The following MACROD2 variants were observed in gnomAD, a reference collection of about 807,000 sequenced individuals.
MACROD2 encodes the protein ADP-ribose glycohydrolase MACROD2.
MACROD2 carries 36 observed loss-of-function variants against 70.4 expected under a neutral mutation model. The ratio of observed to expected loss-of-function variants is 0.51; its 90% CI spans 0.39 to 0.68. The LOEUF is 0.68. Ranked by LOEUF, MACROD2 falls within the 30% of genes least tolerant of loss-of-function variation. The pLI is 0.00. For missense variants in MACROD2, 496 were observed against 538.4 expected (o/e 0.92, Z 0.78); for synonymous variants, 172 against 178.8 (o/e 0.96, Z 0.30).
intron 10 of MACROD2, among the ~76,000 whole-genome samples, chr20:15,886,489 G>A (rs2064824107): frequency 1.3e-5 from 2 of 152,168 alleles, no homozygotes; most frequent in African/African-American, 2.4e-5. Flanking sequence ...AACTCAATCT[G>A]TTTTGGGGAG....
chr20:14,554,078 A>G (rs1450255460), intron 4 of MACROD2, among the ~76,000 whole-genome samples: 1 of 152,062 alleles, frequency 6.6e-6, no homozygotes, highest in African/African-American at 2.4e-5. Context: ...AATATTTGCT[A>G]GCTGCTGTTA....
intron 6 of MACROD2, among the ~76,000 whole-genome samples, chr20:15,369,695 G>A (rs148066794): frequency 0.011 from 1,639 of 152,190 alleles, 9 homozygotes; most frequent in Middle Eastern, 0.034. Flanking sequence ...ATATAAACGG[G>A]ACTTTTGCAA....
At chr20:15,513,528 A>C (rs2047527388) in intron 8 of MACROD2, among the ~76,000 whole-genome samples, 1 of 152,216 alleles carries the variant, frequency 6.6e-6, no homozygotes, top group Non-Finnish European at 1.5e-5. Context: ...TAAGTGAAAC[A>C]TGAAATATCT....
At chr20:15,047,647 C>T (rs1049299087) in intron 5 of MACROD2, among the ~76,000 whole-genome samples, 2 of 152,182 alleles carry the variant, frequency 1.3e-5, no homozygotes, top group East Asian at 3.9e-4. Context: ...CACCCTGCCC[C>T]TCCAATTCTG....
At chr20:14,705,553 A>T (rs2071258969) in intron 5 of MACROD2, among the ~76,000 whole-genome samples, 1 of 152,032 alleles carries the variant, frequency 6.6e-6, no homozygotes, top group Non-Finnish European at 1.5e-5. Context: ...TGACCTCCTG[A>T]GGGCCTGAAA....
At chr20:14,318,100 C>A (rs1362879822) in intron 3 of MACROD2, among the ~76,000 whole-genome samples, 1 of 152,074 alleles carries the variant, frequency 6.6e-6, no homozygotes, top group African/African-American at 2.4e-5. Context: ...TGCGAGTTTC[C>A]AGCAGTGATT....
intron 4 of MACROD2, among the ~76,000 whole-genome samples, chr20:14,661,338 T>C (rs1302455361): frequency 6.6e-6 from 1 of 152,156 alleles, no homozygotes; most frequent in Non-Finnish European, 1.5e-5. Flanking sequence ...TGTTTGCCAC[T>C]TATATGTCTC....
chr20:15,344,988 C>T (rs556181233), intron 6 of MACROD2, among the ~76,000 whole-genome samples: 31 of 152,230 alleles, frequency 2.0e-4, no homozygotes, highest in African/African-American at 7.2e-4. Flanking sequence ...AGGGTGCTGG[C>T]GTGGTTGAAC....
chr20:15,078,979 G>C (rs1187210347), intron 5 of MACROD2, among the ~76,000 whole-genome samples: 2 of 151,992 alleles, frequency 1.3e-5, no homozygotes, highest in African/African-American at 4.8e-5. Context: ...AGGCCTGGCT[G>C]TCTCCAAAGG....
At chr20:15,876,938 G>T (rs2064683688) in intron 9 of MACROD2, among the ~76,000 whole-genome samples, 1 of 151,974 alleles carries the variant, frequency 6.6e-6, no homozygotes, top group Non-Finnish European at 1.5e-5. Context: ...TCCCTCACTT[G>T]CTGGTCACTC....
intron 3 of MACROD2, among the ~76,000 whole-genome samples, chr20:14,143,559 GA>G (rs1226912651): frequency 7.4e-5 from 11 of 147,946 alleles, no homozygotes; most frequent in Non-Finnish European, 7.5e-5. Context: ...TTGCTTGGAG[GA>G]AAAAAAAAAC....
At chr20:15,486,801 A>G (rs989055061) in intron 7 of MACROD2, among the ~76,000 whole-genome samples, 1 of 152,232 alleles carries the variant, frequency 6.6e-6, no homozygotes, top group Non-Finnish European at 1.5e-5. Context: ...TTTCTGAAAC[A>G]TTGTGTGTTC....
chr20:16,027,243 C>T (rs1000868864), intron 15 of MACROD2, among the ~76,000 whole-genome samples: 6 of 140,138 alleles, frequency 4.3e-5, no homozygotes, highest in African/African-American at 1.3e-4. Flanking sequence ...AGCCCTCAGA[C>T]AGCCTTCCTC....
At chr20:15,620,900 A>G (rs569081343) in intron 8 of MACROD2, among the ~76,000 whole-genome samples, 60 of 152,302 alleles carry the variant, frequency 3.9e-4, no homozygotes, top group African/African-American at 1.4e-3. Context: ...AAAATGTGTT[A>G]TCAAGCAGTA....
chr20:15,800,171 T>C (rs984717689), intron 8 of MACROD2, among the ~76,000 whole-genome samples: 2 of 152,216 alleles, frequency 1.3e-5, no homozygotes, highest in African/African-American at 4.8e-5. Flanking sequence ...TTGAGTTCTT[T>C]GTATATTCTG....
intron 15 of MACROD2, among the ~76,000 whole-genome samples, chr20:15,989,009 A>T (rs1377598219): frequency 1.3e-5 from 2 of 152,132 alleles, no homozygotes; most frequent in Non-Finnish European, 1.5e-5. Context: ...AAGTTACTTA[A>T]CCTATCTGCT....
chr20:14,575,470 A>G lies in MACROD2; in HGVS notation c.301+81962A>G, dbSNP rs570525668. 2.0e-5 allele frequency among the ~76,000 whole-genome samples: 3 copies of G among 152,328 alleles called. No homozygotes were observed. The South Asian group carries it at 6.2e-4, about 32-fold the overall frequency. The stretch of plus-strand genomic sequence containing the variant: ...AGTTAAATGATGTCTTAGTATTTAT[A>G]TGAAAATGGCTTTGACTTGTGGGCT... On this transcript the variant is annotated intron_variant, in intron 4 of 17. Coordinates refer to ENST00000684519, the MANE Select transcript of MACROD2 (RefSeq NM_001351661.2).
At chr20:14,494,351 C>T (rs1462535080) in intron 4 of MACROD2, among the ~76,000 whole-genome samples, 1 of 152,026 alleles carries the variant, frequency 6.6e-6, no homozygotes, top group African/African-American at 2.4e-5. Context: ...AGGCTTTCAT[C>T]AGGAGGTTTC....
At chr20:14,294,979 A>G (rs886453963) in intron 3 of MACROD2, among the ~76,000 whole-genome samples, 2 of 151,752 alleles carry the variant, frequency 1.3e-5, no homozygotes, top group Non-Finnish European at 1.5e-5. Context: ...ACAGCCAGTC[A>G]GTGGCTTCCC....
Sources: allele counts gnomAD v4.1 joint callset (sites outside exome capture counted in the v4.1 genomes callset), GRCh38; gene constraint gnomAD v4.1.1; transcripts MANE v1.5; gene names NCBI Gene and HGNC (gene_info 2026-07-23, HGNC 2026-07-21).